The following SEL1L3 variants were observed in gnomAD, a reference collection of about 807,000 sequenced individuals.
SEL1L3 encodes protein sel-1 homolog 3.
A neutral mutation model predicts 142.8 loss-of-function variants in SEL1L3; 76 were observed. That is an observed-to-expected ratio of 0.53 (90% confidence interval 0.44 to 0.64). The LOEUF (loss-of-function observed/expected upper bound fraction) is 0.64. Ranked by LOEUF, SEL1L3 falls within the 30% of genes least tolerant of loss-of-function variation. The pLI, the probability that SEL1L3 is intolerant of heterozygous loss-of-function variation, is 0.00. For missense variants in SEL1L3, 1,262 were observed against 1,381.7 expected, an observed-to-expected ratio of 0.91 and a Z score of 1.37; for synonymous variants, 504 against 519.6, an observed-to-expected ratio of 0.97 and a Z score of 0.41.
chr4:25,736,782 C>A, the SEL1L3 span, among the ~76,000 whole-genome samples: 3 of 152,036 alleles, frequency 2.0e-5, no homozygotes, highest in Non-Finnish European at 4.4e-5. Flanking sequence ...TATTTCTTCT[C>A]ATTTCTATCA....
At chr4:25,818,078 CAG>C (rs1714507473) in intron 9 of SEL1L3, 58 bp downstream of exon 9, 1 of 1,552,134 alleles carries the variant, frequency 6.4e-7, no homozygotes, top group Non-Finnish European at 8.7e-7. Flanking sequence ...GTGAGTGAAA[CAG>C]AGAAAAACAA....
At position 25,779,100 on chromosome 4, in the gene SEL1L3, G is replaced by A. The variant is rs775650250; in HGVS notation, c.2561C>T (p.Pro854Leu). 2.1e-5 allele frequency: 34 copies of A among 1,613,546 alleles called. No homozygotes were observed. The highest frequency in any genetic ancestry group is 2.9e-5 in the Non-Finnish European group (34 of 1,179,594). Residue 854 changes from proline (P) to leucine (L), a missense_variant, in exon 16 of 24, where the codon CCT becomes CTT. Pro to Leu is a moderately conservative substitution (Grantham distance 98). Around this residue, in one of 3 missense-constraint regions of SEL1L3, gnomAD observed 435 missense variants for 559.2 expected, o/e 0.78. Transcript: ENST00000399878. ...YYITGNLETF[P>L]RDPEKAVVWA... ...CACAACAGCTTTCTCAGGATCTCTA[G>A]GGAATGTCTCCAGGTTGCCTGTGAT...
chr4:25,843,978 A>G (rs1716342266), intron 2 of SEL1L3, among the ~76,000 whole-genome samples: 1 of 152,232 alleles, frequency 6.6e-6, no homozygotes, highest in South Asian at 2.1e-4. Context: ...CTCTTTTTAT[A>G]CATGAAAAGG....
At chr4:25,736,853 C>T in the SEL1L3 span, among the ~76,000 whole-genome samples, 1 of 116,020 alleles carries the variant, frequency 8.6e-6, no homozygotes, top group African/African-American at 2.8e-5. Flanking sequence ...TTCCATCCTA[C>T]TGCCCTTTTC....
chr4:25,819,978 T>A, intron 7 of SEL1L3, 38 bp from the exon 8 acceptor site: 1 of 1,584,920 alleles, frequency 6.3e-7, no homozygotes. Flanking sequence ...ACAACAATTG[T>A]CATCAAATAT....
Position 25,830,143 on chromosome 4 carries a change from G to A in SEL1L3, c.1112C>T (p.Thr371Ile). The change falls in exon 6 of 24, where the codon ACT becomes ATT. Residue 371 changes from threonine (T) to isoleucine (I), a missense_variant. Thr to Ile is a moderately conservative substitution (Grantham distance 89). Coordinates refer to ENST00000399878, the MANE Select transcript of SEL1L3 (RefSeq NM_015187.5). ...SFNGGQIVVTTSIGQDLKSYH... is the reference protein window; with the variant it reads ...SFNGGQIVVTISIGQDLKSYH... ...GCTTTTCAAATCCTGTCCAATGCTA[G>A]TGGTTACTACTATCTATGATGGGAG... 1 of 1,607,662 alleles carries A rather than the reference G, an allele frequency of 6.2e-7. No homozygotes were observed. The highest frequency in any genetic ancestry group is 8.5e-7 in the Non-Finnish European group (1 of 1,174,344).
At chr4:25,755,199 TCAG>T (rs1264425692) in intron 23 of SEL1L3, among the ~76,000 whole-genome samples, 3 of 152,138 alleles carry the variant, frequency 2.0e-5, no homozygotes, top group Non-Finnish European at 4.4e-5. Context: ...TTCTCCTGCC[TCAG>T]CCTCCCTAGT....
intron 1 of SEL1L3, among the ~76,000 whole-genome samples, chr4:25,861,132 T>C (rs898752982): frequency 2.2e-4 from 33 of 152,330 alleles, no homozygotes; most frequent in African/African-American, 7.9e-4. Context: ...ACTACATCAC[T>C]TCTGCTTCTG....
chr4:25,783,825 G>A (rs1055931148), intron 14 of SEL1L3, among the ~76,000 whole-genome samples: 2 of 152,122 alleles, frequency 1.3e-5, no homozygotes, highest in Admixed American at 6.6e-5. Context: ...AATGGGAAAC[G>A]GGCACCACAG....
At chr4:25,746,256 G>A (rs966035780), downstream of SEL1L3, among the ~76,000 whole-genome samples, 6 of 151,812 alleles carry the variant, frequency 4.0e-5, no homozygotes, top group Non-Finnish European at 8.8e-5. Context: ...GGTGACTCAC[G>A]CCTATAATCC....
chr4:25,766,238 A>T (rs1216317643), intron 19 of SEL1L3, among the ~76,000 whole-genome samples: 1 of 152,120 alleles, frequency 6.6e-6, no homozygotes, highest in East Asian at 1.9e-4. Flanking sequence ...CAGGAGTTCA[A>T]GACCAGCCTG....
At chr4:25,713,974 A>G in the SEL1L3 span, among the ~76,000 whole-genome samples, 57 of 152,174 alleles carry the variant, frequency 3.7e-4, no homozygotes, top group African/African-American at 1.4e-3. Context: ...TGAGGATGCA[A>G]TTTATCTATT....
Position 25,847,351 on chromosome 4 carries a change from T to C in SEL1L3, c.676A>G (p.Met226Val), listed in dbSNP as rs1294790579. The C allele has an allele frequency of 2.5e-6, 4 of 1,613,852 alleles. No individual in the cohort carries two copies. The highest frequency in any genetic ancestry group is 1.1e-5 in the South Asian group (1 of 91,082). ...GCCCGAAGGTTCCAAATATAACCCA[T>C]GTTCCACTCAAGGCACACTTGATGA... is the stretch of plus-strand genomic sequence containing the variant. ...KDHQVCLEWN[M>V]GYIWNLRANR... is the part of the protein sequence containing the mutation. Residue 226 changes from methionine (M) to valine (V), a missense_variant, in exon 2 of 24, where the codon ATG (methionine) becomes GTG (valine). Coordinates refer to ENST00000399878, the MANE Select transcript of SEL1L3 (RefSeq NM_015187.5).
chr4:25,824,205 A>G (rs957846240), intron 6 of SEL1L3, among the ~76,000 whole-genome samples: 3 of 152,134 alleles, frequency 2.0e-5, no homozygotes, highest in Middle Eastern at 3.2e-3. Flanking sequence ...TGAACATTCC[A>G]ACAACCCTCA....
rs972929602 is a variant in SEL1L3, at chr4:25,847,202, C to T, written c.733+92G>A. On this transcript the variant is annotated intron_variant, in intron 2 of 23. Transcript: ENST00000399878. ...CCTCCATCTTCCCTGTATCCCCCTT[C>T]GCTAATAGAAGAATTTTCTCTTGCC... is the stretch of plus-strand genomic sequence containing the variant. 14 of 1,057,054 alleles carry T rather than the reference C, an allele frequency of 1.3e-5. No individual in the cohort carries two copies. The Middle Eastern group carries it at 8.3e-4, about 63-fold the overall frequency. 65.5% of individuals were successfully genotyped at this position (1,057,054 alleles called of 1,614,324 possible).
chr4:25,769,748 C>T (rs1408693617), intron 17 of SEL1L3, among the ~76,000 whole-genome samples: 1 of 152,158 alleles, frequency 6.6e-6, no homozygotes, highest in East Asian at 1.9e-4. Flanking sequence ...TGTAGACCTG[C>T]AAACCAAGGT....
chr4:25,764,983 T>C (rs955739062), intron 20 of SEL1L3, among the ~76,000 whole-genome samples: 1 of 152,112 alleles, frequency 6.6e-6, no homozygotes, highest in Non-Finnish European at 1.5e-5. Context: ...AATTCACAAA[T>C]GGATGTCACC....
At chr4:25,842,879 G>A (rs998202244) in intron 2 of SEL1L3, among the ~76,000 whole-genome samples, 3 of 152,242 alleles carry the variant, frequency 2.0e-5, no homozygotes, top group Non-Finnish European at 2.9e-5. Flanking sequence ...TGGTGATCAG[G>A]CCAGGAAGGA....
intron 17 of SEL1L3, among the ~76,000 whole-genome samples, chr4:25,768,108 TGTC>T (rs1314296091): frequency 6.6e-6 from 1 of 152,196 alleles, no homozygotes; most frequent in Non-Finnish European, 1.5e-5. Context: ...GCTGGGGAGT[TGTC>T]TACTAGCCTT....
Sources: allele counts gnomAD v4.1 joint callset (sites outside exome capture counted in the v4.1 genomes callset), GRCh38; gene constraint gnomAD v4.1.1; regional missense constraint gnomAD v4.1.1; transcripts MANE v1.5; gene names NCBI Gene and HGNC (gene_info 2026-07-23, HGNC 2026-07-21).